WNK1: variants seen among roughly 807,000 people sequenced by gnomAD.
The protein encoded by WNK1 is serine/threonine-protein kinase WNK1.
In WNK1, 38 loss-of-function variants were observed where a neutral mutation model predicts 222.8. That is an observed-to-expected ratio of 0.17 (90% CI 0.13 to 0.22). The LOEUF (loss-of-function observed/expected upper bound fraction) is 0.22, where lower values mean the gene tolerates loss of function less well. WNK1 is among the 10% of genes least tolerant of loss of function. The probability of loss-of-function intolerance (pLI) is 1.00; values close to 1 mark genes in which losing one functional copy is unlikely to be tolerated. For synonymous variants in WNK1, 1,090 were observed against 1,092.9 expected (o/e 1.00, Z 0.05); for missense variants, 2,348 against 2,918.4 (o/e 0.80, Z 4.50).
chr12:863,780 T>A (rs1319613660), intron 8 of WNK1, among the ~76,000 whole-genome samples: 1 of 152,210 alleles, frequency 6.6e-6, no homozygotes, highest in African/African-American at 2.4e-5. Context: ...TCTAATTCTA[T>A]TCTTGTCTCA....
intron 1 of WNK1, among the ~76,000 whole-genome samples, chr12:772,189 C>G (rs1196032876): frequency 6.6e-6 from 1 of 152,114 alleles, no homozygotes; most frequent in Non-Finnish European, 1.5e-5. Context: ...AAAAAATCAC[C>G]TGCAGTCAGT....
chr12:888,940 T>C (rs952447372), intron 20 of WNK1, among the ~76,000 whole-genome samples, 200 bp from the exon 21 acceptor site: 1 of 152,186 alleles, frequency 6.6e-6, no homozygotes, highest in Non-Finnish European at 1.5e-5. Context: ...GCCTTGAGAG[T>C]CTGACATACA....
chr12:773,725 T>C (rs531551307), intron 1 of WNK1, among the ~76,000 whole-genome samples: 1 of 152,306 alleles, frequency 6.6e-6, no homozygotes, highest in East Asian at 1.9e-4. Flanking sequence ...CTTGTGAAAC[T>C]TATGTTTCAG....
chr12:795,072 C>T (rs1404822880), intron 1 of WNK1, among the ~76,000 whole-genome samples: 2 of 152,048 alleles, frequency 1.3e-5, no homozygotes, highest in Non-Finnish European at 2.9e-5. Context: ...CCTTTAGTTT[C>T]CTTGTGATGT....
chr12:754,352 G>A, intron 1 of WNK1, 28 bp downstream of exon 1: 4 of 1,613,028 alleles, frequency 2.5e-6, no homozygotes, highest in Non-Finnish European at 3.4e-6. Context: ...TTATTTGACG[G>A]TCCTTTGGAT....
Position 887,248 on chromosome 12 carries a change from G to A in WNK1, c.5308G>A (p.Ala1770Thr), listed in dbSNP as rs1193657427. 1 of 1,614,170 alleles carries A rather than the reference G, an allele frequency of 6.2e-7. No homozygotes were observed. Among genetic ancestry groups the A allele is most frequent in the South Asian group, 1.1e-5 (1 of 91,068 alleles). Residue 1770 changes from alanine (A) to threonine (T), a missense_variant, in exon 20 of 28, where the codon GCA becomes ACA. Transcript: ENST00000315939. ...GCTGCCAGTGGGTACTGAACTTCCA[G>A]CAGGTACTCTACCCAGCGAGCAGCT... ...PVLPVGTELPAGTLPSEQLPP... is the reference protein window; with the variant it reads ...PVLPVGTELPTGTLPSEQLPP...
At chr12:831,022 A>G (rs1948748886) in intron 4 of WNK1, among the ~76,000 whole-genome samples, 1 of 152,228 alleles carries the variant, frequency 6.6e-6, no homozygotes, top group African/African-American at 2.4e-5. Flanking sequence ...GGAATGTTCC[A>G]CATTCTGAAT....
intron 1 of WNK1, among the ~76,000 whole-genome samples, chr12:776,491 C>T (rs989336294): frequency 1.3e-5 from 2 of 150,406 alleles, no homozygotes; most frequent in African/African-American, 4.9e-5. Flanking sequence ...AGTGCAGTGG[C>T]GCAATCTTGG....
rs748070803 is a variant in WNK1, at chr12:878,194, A to G, written c.2224-18A>G. The G allele has an allele frequency of 1.9e-6, 3 of 1,614,030 alleles. No homozygotes were observed. The highest frequency in any genetic ancestry group is 2.5e-6 in the Non-Finnish European group (3 of 1,179,958). ...TATTGATTTGAAATAAAACTGAATC[A>G]TTGTATTTTATTCTTAGCAGCAGGG... On this transcript the variant is annotated intron_variant, in intron 9 of 27. Coordinates refer to ENST00000315939, the MANE Select transcript of WNK1 (RefSeq NM_018979.4).
chr12:855,922 C>T (rs1002305766), intron 4 of WNK1, among the ~76,000 whole-genome samples: 8 of 152,070 alleles, frequency 5.3e-5, no homozygotes, highest in African/African-American at 1.9e-4. Flanking sequence ...TCACTGCAAC[C>T]TCTGCCTCCC....
chr12:819,583 A>G (rs1406519692), intron 2 of WNK1, among the ~76,000 whole-genome samples: 2 of 152,128 alleles, frequency 1.3e-5, no homozygotes, highest in African/African-American at 4.8e-5. Flanking sequence ...AATCCAATGT[A>G]TCTGCTTTGT....
In WNK1 at chr12:813,752, A is replaced by T. The variant is rs760404411; in HGVS notation, c.870A>T (p.Thr290=). The part of the protein sequence containing the change: ...IVRFYDSWES[T]VKGKKCIVLV... ...GATTTTATGATTCCTGGGAATCCAC[A>T]GTAAAAGGAAAGAAGTGCATTGTTT... Residue 290 remains threonine, a synonymous_variant, in exon 2 of 28, where the codon ACA becomes ACT. Coordinates refer to ENST00000315939, the MANE Select transcript of WNK1 (RefSeq NM_018979.4). 2.4e-5 allele frequency: 39 copies of T among 1,613,940 alleles called. No homozygotes were observed. Among genetic ancestry groups the T allele is most frequent in the Non-Finnish European group, 2.8e-5 (33 of 1,179,996 alleles).
intron 8 of WNK1, 143 bp from the exon 9 acceptor site, chr12:871,122 G>A: frequency 1.3e-6 from 1 of 767,626 alleles, no homozygotes; most frequent in Non-Finnish European, 2.3e-6. Flanking sequence ...TTGACCCAGA[G>A]GCCTCTCCCA....
At chr12:835,426 AAGAAT>A (rs1591930193) in intron 4 of WNK1, among the ~76,000 whole-genome samples, 2 of 152,348 alleles carry the variant, frequency 1.3e-5, no homozygotes, top group East Asian at 1.9e-4. Flanking sequence ...TCAGGGTTTG[AAGAAT>A]AGAATAGAAG....
At chr12:851,082 C>T (rs1950384941) in intron 4 of WNK1, among the ~76,000 whole-genome samples, 1 of 152,164 alleles carries the variant, frequency 6.6e-6, no homozygotes, top group African/African-American at 2.4e-5. Context: ...CTATTATCTC[C>T]ACTTTAAAAA....
Position 754,071 on chromosome 12 carries a change from C to T in WNK1, c.506C>T (p.Pro169Leu). The T allele has an allele frequency of 6.2e-7, 1 of 1,606,952 alleles. No individual in the cohort carries two copies. Among genetic ancestry groups the T allele is most frequent in the Non-Finnish European group, 8.5e-7 (1 of 1,177,318 alleles). The change falls in exon 1 of 28, where the codon CCT becomes CTT. Residue 169 changes from proline (P) to leucine (L), a missense_variant. Physicochemically the swap from Pro to Leu is moderately conservative, Grantham distance 98. Coordinates refer to ENST00000315939, the MANE Select transcript of WNK1 (RefSeq NM_018979.4). ...STSKDRPVSQ[P>L]SLVGSKEEPP... ...AGCAAAGACCGCCCAGTGTCCCAGC[C>T]TAGCCTTGTGGGGAGCAAAGAGGAG...
At chr12:829,896 A>T (rs927196746) in intron 3 of WNK1, 107 bp from the exon 4 acceptor site, 2 of 1,205,182 alleles carry the variant, frequency 1.7e-6, no homozygotes, top group East Asian at 2.3e-5. Flanking sequence ...TTTTCTCCCC[A>T]TTCCAATTTC....
intron 1 of WNK1, among the ~76,000 whole-genome samples, chr12:759,723 CATA>C (rs1204702060): frequency 6.8e-6 from 1 of 147,902 alleles, no homozygotes; most frequent in Non-Finnish European, 1.5e-5. Context: ...TGCCTTGTAA[CATA>C]GTAGTTAAGA....
At chr12:842,559 C>T (rs1949709698) in intron 4 of WNK1, among the ~76,000 whole-genome samples, 1 of 151,966 alleles carries the variant, frequency 6.6e-6, no homozygotes, top group African/African-American at 2.4e-5. Context: ...TTCTTTCTTC[C>T]CTGAGACTTC....
Sources: gnomAD v4.1 joint callset for allele counts (sites outside exome capture counted in the v4.1 genomes callset) on GRCh38, gnomAD v4.1.1 for gene constraint, MANE v1.5 for transcripts, NCBI Gene and HGNC (gene_info 2026-07-23, HGNC 2026-07-21) for gene names.